The following ZFPM2 variants were observed in gnomAD, a reference collection of about 807,000 sequenced individuals.
The protein encoded by ZFPM2 is zinc finger protein, FOG family member 2.
In ZFPM2, 20 loss-of-function variants were observed where a neutral mutation model predicts 98.6. The observed-to-expected ratio is 0.20, with a 90% CI of 0.14 to 0.29. ZFPM2 has a LOEUF of 0.29. Ranked by LOEUF, ZFPM2 falls within the 10% of genes least tolerant of loss-of-function variation. The probability of loss-of-function intolerance (pLI) is 1.00; values close to 1 mark genes in which losing one functional copy is unlikely to be tolerated. For synonymous variants in ZFPM2, 518 were observed against 502.7 expected (o/e 1.03, Z -0.41); for missense variants, 1,310 against 1,388.6 (o/e 0.94, Z 0.90).
At position 105,802,094 on chromosome 8, in the gene ZFPM2, A is replaced by C; in HGVS notation, c.2012A>C (p.Lys671Thr). The C allele has an allele frequency of 6.2e-7, 1 of 1,613,858 alleles. No individual in the cohort carries two copies. Among genetic ancestry groups the C allele is most frequent in the Non-Finnish European group, 8.5e-7 (1 of 1,179,864 alleles). ...ATTAATGGAAAACCTGTTGATGTGA[A>C]AAATCCCAGTGTCCCCTTAGTGGAT... ...DKINGKPVDV[K>T]NPSVPLVDGE... Residue 671 changes from lysine (K) to threonine (T), a missense_variant, in exon 8 of 8, where the codon AAA becomes ACA. By Grantham distance (78) the Lys-to-Thr change is moderately conservative (BLOSUM62 -1). Transcript: ENST00000407775.
At chr8:105,764,484 G>GTATT (rs1812814460) in intron 5 of ZFPM2, among the ~76,000 whole-genome samples, 2 of 150,916 alleles carry the variant, frequency 1.3e-5, no homozygotes, top group African/African-American at 4.9e-5. Flanking sequence ...TTTTACTTCC[G>GTATT]TTTTTCAATA....
intron 4 of ZFPM2, among the ~76,000 whole-genome samples, chr8:105,587,603 G>A (rs527902594): frequency 6.6e-6 from 1 of 151,980 alleles, no homozygotes; most frequent in Non-Finnish European, 1.5e-5. Context: ...GAAATTGCTG[G>A]TAGGTCTCTT....
chr8:105,368,384 A>G (rs192309919), intron 1 of ZFPM2, among the ~76,000 whole-genome samples: 36 of 152,204 alleles, frequency 2.4e-4, no homozygotes, highest in Non-Finnish European at 4.4e-4. Flanking sequence ...ATCTCAGACA[A>G]TCTCAGGCCC....
At chr8:105,748,898 A>G (rs1812412297) in intron 5 of ZFPM2, among the ~76,000 whole-genome samples, 1 of 152,062 alleles carries the variant, frequency 6.6e-6, no homozygotes, top group Non-Finnish European at 1.5e-5. Context: ...TAAGAGAACA[A>G]TGTTTAATGG....
At chr8:105,580,941 C>A (rs1815582275) in intron 4 of ZFPM2, among the ~76,000 whole-genome samples, 1 of 151,604 alleles carries the variant, frequency 6.6e-6, no homozygotes, top group Admixed American at 6.6e-5. Context: ...GTGAAAATTA[C>A]AATGAAAATT....
At chr8:105,767,702 G>A (rs1171180723) in intron 5 of ZFPM2, among the ~76,000 whole-genome samples, 1 of 151,704 alleles carries the variant, frequency 6.6e-6, no homozygotes, top group Non-Finnish European at 1.5e-5. Flanking sequence ...GACAATCAGG[G>A]AATATAAAAA....
At chr8:105,792,926 T>G (rs1458748984) in intron 6 of ZFPM2, among the ~76,000 whole-genome samples, 1 of 152,180 alleles carries the variant, frequency 6.6e-6, no homozygotes, top group Non-Finnish European at 1.5e-5. Context: ...TTTTTTGTTT[T>G]CCATTTGCTT....
chr8:105,646,693 C>G (rs1817054675), intron 5 of ZFPM2, among the ~76,000 whole-genome samples: 1 of 152,068 alleles, frequency 6.6e-6, no homozygotes, highest in Admixed American at 6.6e-5. Flanking sequence ...GTATTTAATA[C>G]TTTGATCTCA....
At chr8:105,661,081 C>A (rs1177125162) in intron 5 of ZFPM2, among the ~76,000 whole-genome samples, 1 of 152,022 alleles carries the variant, frequency 6.6e-6, no homozygotes, top group Non-Finnish European at 1.5e-5. Context: ...CCTCAAATAT[C>A]AAAAACAGTG....
At chr8:105,416,617 A>C (rs945265623) in intron 1 of ZFPM2, among the ~76,000 whole-genome samples, 1 of 151,988 alleles carries the variant, frequency 6.6e-6, no homozygotes, top group Non-Finnish European at 1.5e-5. Flanking sequence ...AAAGAAGTAT[A>C]TATTTCAAAA....
At chr8:105,750,733 G>A (rs1450293460) in intron 5 of ZFPM2, among the ~76,000 whole-genome samples, 2 of 151,988 alleles carry the variant, frequency 1.3e-5, no homozygotes, top group African/African-American at 4.8e-5. Context: ...TGACTCAGAG[G>A]AAAAACGTTG....
intron 3 of ZFPM2, among the ~76,000 whole-genome samples, chr8:105,543,208 G>A (rs970286436): frequency 7.9e-5 from 12 of 152,258 alleles, no homozygotes; most frequent in Admixed American, 7.2e-4. Context: ...ATACAAGGCC[G>A]GGCGTGGTAG....
intron 1 of ZFPM2, among the ~76,000 whole-genome samples, chr8:105,326,587 CTATT>C (rs1053838760): frequency 6.6e-6 from 1 of 151,546 alleles, no homozygotes; most frequent in Non-Finnish European, 1.5e-5. Context: ...CAAGGTAATG[CTATT>C]TATTATTTAA....
At chr8:105,539,014 G>A (rs760245048) in intron 3 of ZFPM2, among the ~76,000 whole-genome samples, 31 of 152,036 alleles carry the variant, frequency 2.0e-4, no homozygotes, top group Non-Finnish European at 4.1e-4. Context: ...GCAAGACCCA[G>A]TCTCACAAAC....
intron 7 of ZFPM2, among the ~76,000 whole-genome samples, chr8:105,800,777 C>G (rs1284224248): frequency 6.6e-6 from 1 of 152,086 alleles, no homozygotes; most frequent in African/African-American, 2.4e-5. Flanking sequence ...CCTCCTTCAG[C>G]GTGTTTCCTC....
chr8:105,665,764 C>T (rs1007378926), intron 5 of ZFPM2, among the ~76,000 whole-genome samples: 4 of 152,112 alleles, frequency 2.6e-5, no homozygotes, highest in Non-Finnish European at 5.9e-5. Context: ...ACTTCTGTTA[C>T]TTCATTTCCT....
At chr8:105,621,491 C>G (rs1186615580) in intron 4 of ZFPM2, among the ~76,000 whole-genome samples, 1 of 152,096 alleles carries the variant, frequency 6.6e-6, no homozygotes, top group African/African-American at 2.4e-5. Context: ...ATTTGACTTC[C>G]TCTTGTCCTA....
intron 5 of ZFPM2, among the ~76,000 whole-genome samples, chr8:105,655,657 A>T (rs1262083062): frequency 6.6e-6 from 1 of 152,186 alleles, no homozygotes; most frequent in Non-Finnish European, 1.5e-5. Flanking sequence ...TAGAATCATA[A>T]AATTCACACA....
At chr8:105,506,646 G>A (rs1353661785) in intron 3 of ZFPM2, among the ~76,000 whole-genome samples, 2 of 152,192 alleles carry the variant, frequency 1.3e-5, no homozygotes, top group African/African-American at 4.8e-5. Flanking sequence ...TGCAAAAGAT[G>A]TATTCACTTA....
Sources: allele counts gnomAD v4.1 joint callset (sites outside exome capture counted in the v4.1 genomes callset), GRCh38; gene constraint gnomAD v4.1.1; transcripts MANE v1.5; gene names NCBI Gene and HGNC (gene_info 2026-07-23, HGNC 2026-07-21).